The following SMYD4 variants were observed in gnomAD, a reference collection of about 807,000 sequenced individuals.
The protein encoded by SMYD4 is protein-lysine N-methyltransferase SMYD4.
Under a neutral mutation model 72.8 loss-of-function variants are expected in SMYD4, and 68 were observed. The observed-to-expected ratio is 0.93, with a 90% CI of 0.77 to 1.14. The LOEUF is 1.14. Ranked by LOEUF, SMYD4 falls within the 50% of genes most tolerant of loss-of-function variation. The pLI is 0.00. For missense variants in SMYD4, 984 were observed against 1,003.7 expected (o/e 0.98, Z 0.27); for synonymous variants, 407 against 388.6 (o/e 1.05, Z -0.56).
intron 2 of SMYD4, among the ~76,000 whole-genome samples, chr17:1,815,769 G>T (rs187352682): frequency 6.0e-5 from 9 of 149,992 alleles, no homozygotes; most frequent in African/African-American, 2.0e-4. Context: ...GTGTGATCTC[G>T]GCTCACTGCA....
intron 2 of SMYD4, among the ~76,000 whole-genome samples, chr17:1,821,081 A>C (rs932760640): frequency 6.6e-6 from 1 of 152,248 alleles, no homozygotes; most frequent in African/African-American, 2.4e-5. Flanking sequence ...AGTACAAGAA[A>C]GGAAATGTAA....
chr17:1,823,099 G>A (rs772500049), intron 2 of SMYD4, among the ~76,000 whole-genome samples: 8 of 151,798 alleles, frequency 5.3e-5, no homozygotes, highest in East Asian at 1.9e-4. Context: ...GGCCGGGCAC[G>A]GTGGCTCACG....
rs138577710 is a variant in SMYD4 at position 1,808,285 on chromosome 17, C to T, written c.280-3570G>A. On this transcript the variant is annotated intron_variant, in intron 3 of 10. Transcript: ENST00000305513. ...CTCTGTCATGGAACACTAAGCCAGC[C>T]GTAAAGAACCATGTTCCAGTGGAAA... 1.1e-4 allele frequency among the ~76,000 whole-genome samples: 17 copies of T among 152,046 alleles called. No individual in the cohort carries two copies. In the East Asian group the frequency reaches 2.5e-3, roughly 22 times the overall value.
intron 9 of SMYD4, 97 bp from the exon 10 acceptor site, chr17:1,783,255 C>T (rs1484315064): frequency 6.2e-7 from 1 of 1,611,538 alleles, no homozygotes; most frequent in East Asian, 2.2e-5. Flanking sequence ...GGGGAGCACC[C>T]TCAGTTTACA....
chr17:1,815,018 T>C (rs1425978376), intron 2 of SMYD4, among the ~76,000 whole-genome samples: 4 of 152,054 alleles, frequency 2.6e-5, no homozygotes, highest in East Asian at 1.9e-4. Context: ...ACAGTAATAA[T>C]AGCAAAATTC....
chr17:1,804,869 G>C (rs1909955893), intron 3 of SMYD4, among the ~76,000 whole-genome samples, 154 bp from the exon 4 acceptor site: 1 of 152,136 alleles, frequency 6.6e-6, no homozygotes, highest in Non-Finnish European at 1.5e-5. Flanking sequence ...AACTACCTGA[G>C]AGCAAAGCTG....
chr17:1,792,128 C>T (rs1014559417), intron 5 of SMYD4, among the ~76,000 whole-genome samples: 2 of 151,838 alleles, frequency 1.3e-5, no homozygotes, highest in South Asian at 2.1e-4. Context: ...GTGCAAGCTC[C>T]GCCTCCTGGG....
chr17:1,821,195 A>G (rs1910868823), intron 2 of SMYD4, among the ~76,000 whole-genome samples: 1 of 152,166 alleles, frequency 6.6e-6, no homozygotes, highest in African/African-American at 2.4e-5. Flanking sequence ...TGGTTATATA[A>G]CAGTTATCAT....
At chr17:1,790,605 C>T (rs1567768506) in intron 5 of SMYD4, among the ~76,000 whole-genome samples, 1 of 152,070 alleles carries the variant, frequency 6.6e-6, no homozygotes, top group Non-Finnish European at 1.5e-5. Context: ...CAACCTCCGC[C>T]TCCTGGGTTC....
chr17:1,794,120 T>G (rs1450922572), intron 5 of SMYD4, among the ~76,000 whole-genome samples: 1 of 78,360 alleles, frequency 1.3e-5, no homozygotes, highest in Non-Finnish European at 2.6e-5. Context: ...TTTTTTTTTT[T>G]TTTTTTTGAG....
At position 1,786,862 on chromosome 17, in the gene SMYD4, G is replaced by A; in HGVS notation, c.1832C>T (p.Ala611Val). ...ACQTEAHRMA[A>V]GPRWEAFCCN... ...ACAGAATGCTTCCCACCTGGGCCCTGCAGCCATCCTGTGTGCCTCAGTTTG... is the reference window on the plus strand; with the variant it reads ...ACAGAATGCTTCCCACCTGGGCCCTACAGCCATCCTGTGTGCCTCAGTTTG... Residue 611 changes from alanine to valine, a missense_variant, in exon 7 of 11, where the codon GCA (alanine) becomes GTA (valine). Coordinates refer to ENST00000305513, the MANE Select transcript of SMYD4 (RefSeq NM_052928.3). The A allele has an allele frequency of 6.2e-7, 1 of 1,614,168 alleles. No homozygotes were observed. The highest frequency in any genetic ancestry group is 8.5e-7 in the Non-Finnish European group (1 of 1,180,006).
In SMYD4 at chr17:1,787,569, C is replaced by G; in HGVS notation, c.1573G>C (p.Val525Leu). 6.3e-7 allele frequency: 1 copy of G among 1,595,246 alleles called. No homozygotes were observed. Among genetic ancestry groups the G allele is most frequent in the Non-Finnish European group, 8.5e-7 (1 of 1,171,080 alleles). ...GGGAAGATGCCTGTGGCAAGGCGCACCTGCCTGCTGTCGGTAACGATGCTC... is the reference window on the plus strand; with the variant it reads ...GGGAAGATGCCTGTGGCAAGGCGCAGCTGCCTGCTGTCGGTAACGATGCTC... The part of the protein sequence containing the change: ...KGSIVTDSRQ[V>L]RLATGIFPVI... The change falls in exon 6 of 11, where the codon GTG becomes CTG. Residue 525 changes from valine (V) to leucine (L), a missense_variant. Physicochemically the swap from Val to Leu is conservative, Grantham distance 32 (BLOSUM62 1). Coordinates refer to ENST00000305513, the MANE Select transcript of SMYD4 (RefSeq NM_052928.3).
chr17:1,797,168 T>C (rs532593250), intron 5 of SMYD4, among the ~76,000 whole-genome samples: 1 of 152,220 alleles, frequency 6.6e-6, no homozygotes, highest in Non-Finnish European at 1.5e-5. Flanking sequence ...CTAGATGACC[T>C]AATGTGAGAT....
At chr17:1,783,571 A>T in intron 8 of SMYD4, 95 bp from the exon 9 acceptor site, 1 of 1,508,188 alleles carries the variant, frequency 6.6e-7, no homozygotes, top group Admixed American at 2.2e-5. Flanking sequence ...AGCTGGGCTG[A>T]ATGTGGAAAT....
At chr17:1,821,231 T>C (rs1015692996) in intron 2 of SMYD4, among the ~76,000 whole-genome samples, 8 of 152,108 alleles carry the variant, frequency 5.3e-5, no homozygotes, top group African/African-American at 1.4e-4. Flanking sequence ...AAACAAAGTA[T>C]AGGCCGGGCA....
chr17:1,824,212 G>A (rs1046250640), intron 2 of SMYD4, among the ~76,000 whole-genome samples: 19 of 152,178 alleles, frequency 1.2e-4, no homozygotes, highest in South Asian at 6.2e-4. Context: ...GCATGATGGC[G>A]TGTGCCTGTA....
At chr17:1,787,017 G>A (rs747533914) in intron 6 of SMYD4, 44 bp from the exon 7 acceptor site, 23 of 1,257,648 alleles carry the variant, frequency 1.8e-5, no homozygotes, top group African/African-American at 1.2e-4. Flanking sequence ...GCAAGAGAGA[G>A]TCAAACACTA....
intron 4 of SMYD4, among the ~76,000 whole-genome samples, chr17:1,801,908 T>C (rs1346682197): frequency 6.6e-6 from 1 of 151,810 alleles, no homozygotes; most frequent in Non-Finnish European, 1.5e-5. Flanking sequence ...CCTGGGAGGC[T>C]GAGGTTGCAG....
Position 1,801,000 on chromosome 17 carries a change from C to T in SMYD4, c.394G>A (p.Ala132Thr). ...CTTTCTGGATACCCATGTGTCTGTG[C>T]TCTGTTAATGTCTTTAAGACACGTC... is the stretch of plus-strand genomic sequence containing the variant. ...YETCLKDINR[A>T]QTHGYPERLQ... Residue 132 changes from alanine to threonine, a missense_variant, in exon 5 of 11, where the codon GCA becomes ACA. Ala to Thr is a moderately conservative substitution (Grantham distance 58). Transcript: ENST00000305513. The T allele has an allele frequency of 6.2e-7, 1 of 1,611,362 alleles. No individual in the cohort carries two copies. Among genetic ancestry groups the T allele is most frequent in the Middle Eastern group, 1.7e-4 (1 of 6,050 alleles).
Sources: gnomAD v4.1 joint callset for allele counts (sites outside exome capture counted in the v4.1 genomes callset) on GRCh38, gnomAD v4.1.1 for gene constraint, MANE v1.5 for transcripts, NCBI Gene and HGNC (gene_info 2026-07-23, HGNC 2026-07-21) for gene names.